The following MNS1 variants were observed in gnomAD, a reference collection of about 807,000 sequenced individuals.
MNS1 encodes the protein meiosis-specific nuclear structural protein 1.
In MNS1, 63 loss-of-function variants were observed where a neutral mutation model predicts 72.0. The observed-to-expected ratio is 0.87, with a 90% CI of 0.71 to 1.08. MNS1 has a LOEUF of 1.08. Ranked by LOEUF, MNS1 falls within the 50% of genes least tolerant of loss-of-function variation. The probability of loss-of-function intolerance (pLI) is 0.00; values close to 1 mark genes in which losing one functional copy is unlikely to be tolerated. For missense variants in MNS1, 604 were observed against 562.4 expected (o/e 1.07, Z -0.75); for synonymous variants, 188 against 172.1 (o/e 1.09, Z -0.72).
rs1288979142 is a variant in MNS1 at position 56,464,207 on chromosome 15, T to G, written c.44A>C (p.Gln15Pro). 7 of 1,613,860 alleles carry G rather than the reference T, an allele frequency of 4.3e-6. No individual in the cohort carries two copies. Among genetic ancestry groups the G allele is most frequent in the Non-Finnish European group, 5.9e-6 (7 of 1,179,958 alleles). Residue 15 changes from glutamine (Q) to proline (P), a missense_variant, in exon 2 of 10, where the codon CAG (glutamine) becomes CCG (proline). By Grantham distance (76) the Gln-to-Pro change is moderately conservative (BLOSUM62 -1). Coordinates refer to ENST00000260453, the MANE Select transcript of MNS1 (RefSeq NM_018365.4). ...GCAGTAGTTTTCATCTACTAATTTC[T>G]GATGCCTTTCACTACAGCTCAAATT... ...RRNLSCSERH[Q>P]KLVDENYCKK...
intron 5 of MNS1, 52 bp downstream of exon 5, chr15:56,444,392 G>A (rs1808029560): frequency 1.8e-5 from 26 of 1,472,032 alleles, no homozygotes; most frequent in Non-Finnish European, 2.2e-5. Flanking sequence ...ACAAACCTGT[G>A]ATATATCTAA....
intron 3 of MNS1, among the ~76,000 whole-genome samples, chr15:56,448,197 C>T (rs139123815): frequency 1.2e-4 from 18 of 152,268 alleles, no homozygotes; most frequent in African/African-American, 4.1e-4. Flanking sequence ...AGTAGATGCA[C>T]GTTCAGCGTT....
chr15:56,461,975 G>GTTTTTTTTTTTTTTTTT (rs56022687), intron 2 of MNS1, among the ~76,000 whole-genome samples: 28 of 97,900 alleles, frequency 2.9e-4, no homozygotes, highest in Non-Finnish European at 5.2e-4. Context: ...TTTTGTTGTT[G>GTTTTTTTTTTTTTTTTT]TTTTTTTTTT....
chr15:56,453,051 TC>T (rs2050958331), intron 3 of MNS1, among the ~76,000 whole-genome samples: 1 of 152,204 alleles, frequency 6.6e-6, no homozygotes, highest in Admixed American at 6.5e-5. Context: ...TATTTTCTTT[TC>T]CAAATTTTTA....
intron 7 of MNS1, 97 bp downstream of exon 7, chr15:56,443,333 C>T (rs377696585): frequency 2.3e-5 from 19 of 839,302 alleles, no homozygotes; most frequent in East Asian, 2.2e-4. Flanking sequence ...ATGTAATTAC[C>T]AGTATGGTTG....
chr15:56,429,724 G>GTAT (rs112059093), intron 9 of MNS1: 1 of 152,048 alleles, frequency 6.6e-6, no homozygotes, highest in African/African-American at 2.4e-5. Context: ...TACTGCAAAA[G>GTAT]GCTCTTTAAA....
At chr15:56,435,276 AC>A (rs2050701922) in intron 7 of MNS1, among the ~76,000 whole-genome samples, 2 of 151,998 alleles carry the variant, frequency 1.3e-5, no homozygotes, top group Admixed American at 6.6e-5. Flanking sequence ...TATAAAAAGA[AC>A]TGTAAAGTAA....
intron 7 of MNS1, among the ~76,000 whole-genome samples, chr15:56,434,849 A>G (rs1769569343): frequency 6.6e-6 from 1 of 152,094 alleles, no homozygotes; most frequent in South Asian, 2.1e-4. Context: ...CTAGTCTTCT[A>G]ATATTCCCTT....
chr15:56,444,602 T>C lies in MNS1; in HGVS notation c.528A>G (p.Ala176=). 3.7e-6 allele frequency: 6 copies of C among 1,613,422 alleles called. No homozygotes were observed. The highest frequency in any genetic ancestry group is 5.1e-6 in the Non-Finnish European group (6 of 1,179,628). ...HKRIIKEENA[A]EDKRNKAKAQ... is the part of the protein sequence containing the mutation. ...CTTTCGCTTTGTTTCGTTTGTCTTC[T>C]GCAGCATTCTCTTCCTTTATTATTC... is the stretch of plus-strand genomic sequence containing the variant. The change falls in exon 5 of 10, where the codon GCA becomes GCG. Residue 176 remains alanine, a synonymous_variant. Transcript: ENST00000260453.
intron 7 of MNS1, among the ~76,000 whole-genome samples, chr15:56,438,879 C>T (rs1341110306): frequency 3.9e-5 from 6 of 152,092 alleles, no homozygotes; most frequent in Non-Finnish European, 8.8e-5. Context: ...AGCCAACAGA[C>T]AAGAACAGGA....
intron 7 of MNS1, among the ~76,000 whole-genome samples, 166 bp from the exon 8 acceptor site, chr15:56,434,561 G>A (rs1188676969): frequency 6.6e-6 from 1 of 152,024 alleles, no homozygotes; most frequent in Admixed American, 6.6e-5. Context: ...AAAACTAGCT[G>A]GATAAAGAAT....
At chr15:56,444,383 C>T in intron 5 of MNS1, 61 bp downstream of exon 5, 1 of 1,426,992 alleles carries the variant, frequency 7.0e-7, no homozygotes, top group South Asian at 1.3e-5. Flanking sequence ...TTCCTCACAA[C>T]AAACCTGTGA....
rs1166563761 is a variant in MNS1, at chr15:56,446,905, G to A, written c.392C>T (p.Ala131Val). 6.2e-7 allele frequency: 1 copy of A among 1,609,624 alleles called. No individual in the cohort carries two copies. Among genetic ancestry groups the A allele is most frequent in the East Asian group, 2.2e-5 (1 of 44,700 alleles). Reference sequence around the variant, plus strand: ...AGCTGCCCTTTCTTTATTCATGTAAGCTGCTTTTAATTTCTTCTCCAATTC... The same window carrying A: ...AGCTGCCCTTTCTTTATTCATGTAAACTGCTTTTAATTTCTTCTCCAATTC... ...LRELEKKLKA[A>V]YMNKERAAQI... The change falls in exon 4 of 10, where the codon GCT becomes GTT. Residue 131 changes from alanine (A) to valine (V), a missense_variant. Transcript: ENST00000260453.
Position 56,443,423 on chromosome 15 carries a change from A to C in MNS1, c.1011+7T>G, listed in dbSNP as rs1377361319. 2 of 1,547,356 alleles carry C rather than the reference A, an allele frequency of 1.3e-6. No individual in the cohort carries two copies. Among genetic ancestry groups the C allele is most frequent in the African/African-American group, 2.8e-5 (2 of 71,818 alleles). On this transcript the variant is annotated splice_region_variant and intron_variant, in intron 7 of 9. Transcript: ENST00000260453. ...CATTAATCATTCTTTCCATTTCTGA[A>C]ACTTACTTTTAGCTTGCTCTTATAT...
intron 9 of MNS1, chr15:56,429,423 GAGCTTTTCATA>G: frequency 2.6e-6 from 1 of 384,012 alleles, no homozygotes; most frequent in South Asian, 3.6e-5. Context: ...TCTAGTGTAG[GAGCTTTTCATA>G]GGAATCTGAG....
chr15:56,439,142 A>G (rs1422274214), intron 7 of MNS1, among the ~76,000 whole-genome samples: 1 of 152,200 alleles, frequency 6.6e-6, no homozygotes, highest in East Asian at 1.9e-4. Context: ...AGCAACGAGT[A>G]CACGGACACC....
intron 8 of MNS1, 91 bp from the exon 9 acceptor site, chr15:56,431,589 A>C: frequency 7.8e-7 from 1 of 1,285,124 alleles, no homozygotes; most frequent in Non-Finnish European, 1.1e-6. Flanking sequence ...GAATTAGATA[A>C]AATTGATGAA....
rs560540681 is a variant in MNS1, at chr15:56,444,518, T to G, written c.612A>C (p.Glu204Asp). The change falls in exon 5 of 10, where the codon GAA becomes GAC. Residue 204 changes from glutamate to aspartate, a missense_variant. Coordinates refer to ENST00000260453, the MANE Select transcript of MNS1 (RefSeq NM_018365.4). Reference sequence around the variant, plus strand: ...TCTCTTTTAGCAGCTGCTCATAAGCTTCCTGCTTTTTTTTTTCTTGTTCTT... The same window carrying G: ...TCTCTTTTAGCAGCTGCTCATAAGCGTCCTGCTTTTTTTTTTCTTGTTCTT... ...QLEEQEKKKQ[E>D]AYEQLLKEKL... is the part of the protein sequence containing the mutation. 1 of 1,612,314 alleles carries G rather than the reference T, an allele frequency of 6.2e-7. No individual in the cohort carries two copies. The highest frequency in any genetic ancestry group is 2.2e-5 in the East Asian group (1 of 44,806).
intron 3 of MNS1, among the ~76,000 whole-genome samples, chr15:56,451,242 C>T (rs2050945129): frequency 6.6e-6 from 1 of 152,134 alleles, no homozygotes; most frequent in South Asian, 2.1e-4. Context: ...AACAGATATA[C>T]CCAACAATTT....
Sources: gnomAD v4.1 joint callset for allele counts (sites outside exome capture counted in the v4.1 genomes callset) on GRCh38, gnomAD v4.1.1 for gene constraint, MANE v1.5 for transcripts, NCBI Gene and HGNC (gene_info 2026-07-23, HGNC 2026-07-21) for gene names.